Variants in FMNL2 observed in about 807,000 individuals in gnomAD.
FMNL2 encodes the protein formin-like protein 2.
FMNL2 carries 51 observed loss-of-function variants against 130.2 expected under a neutral mutation model. The ratio of observed to expected loss-of-function variants is 0.39; its 90% CI spans 0.31 to 0.49. FMNL2 has a LOEUF of 0.49. FMNL2 is among the 20% of genes least tolerant of loss of function. The pLI is 0.85. For synonymous variants in FMNL2, 465 were observed against 467.1 expected (o/e 1.00, Z 0.06); for missense variants, 977 against 1,316.2 (o/e 0.74, Z 3.99).
At chr2:152,400,064 C>T (rs897635102) in intron 1 of FMNL2, among the ~76,000 whole-genome samples, 1 of 152,104 alleles carries the variant, frequency 6.6e-6, no homozygotes, top group Admixed American at 6.5e-5. Flanking sequence ...AGGTTGATCA[C>T]AGCAAGTGAT....
At position 152,475,759 on chromosome 2, in the gene FMNL2, A is replaced by C. The variant is rs111470796; in HGVS notation, c.118-46184A>C. On this transcript the variant is annotated intron_variant, in intron 1 of 25. Transcript: ENST00000288670. Reference sequence around the variant, plus strand: ...AGTGATCTTCCTGCCTCAGCCTCCCAAAGTGCTGGGGTTACAGGCATGAGC... The same window carrying C: ...AGTGATCTTCCTGCCTCAGCCTCCCCAAGTGCTGGGGTTACAGGCATGAGC... 7.8e-3 allele frequency among the ~76,000 whole-genome samples: 1,189 copies of C among 152,244 alleles called. 10 individuals carry two copies. Among genetic ancestry groups the C allele is most frequent in the African/African-American group, 0.024 (988 of 41,532 alleles).
At chr2:152,443,167 G>C (rs1180455941) in intron 1 of FMNL2, among the ~76,000 whole-genome samples, 1 of 152,198 alleles carries the variant, frequency 6.6e-6, no homozygotes, top group African/African-American at 2.4e-5. Context: ...TTTCTGGCAT[G>C]GGGAACCAGA....
At chr2:152,443,130 CG>C (rs1037544583) in intron 1 of FMNL2, among the ~76,000 whole-genome samples, 2 of 152,064 alleles carry the variant, frequency 1.3e-5, no homozygotes, top group African/African-American at 2.4e-5. Context: ...TGATTAGAGA[CG>C]AGAAACGAAG....
At chr2:152,599,695 T>C (rs1405866574) in intron 9 of FMNL2, among the ~76,000 whole-genome samples, 1 of 152,184 alleles carries the variant, frequency 6.6e-6, no homozygotes, top group African/African-American at 2.4e-5. Flanking sequence ...CTCAGGCTCA[T>C]AGTCATCTCC....
At chr2:152,379,594 T>G (rs969562631) in intron 1 of FMNL2, among the ~76,000 whole-genome samples, 5 of 152,190 alleles carry the variant, frequency 3.3e-5, no homozygotes, top group Admixed American at 6.5e-5. Context: ...AAGAGTGTTA[T>G]ATATATCATT....
chr2:152,644,573 T>A (rs1225540572), intron 25 of FMNL2, among the ~76,000 whole-genome samples: 1 of 152,236 alleles, frequency 6.6e-6, no homozygotes, highest in Non-Finnish European at 1.5e-5. Flanking sequence ...CTATTCCTTC[T>A]GAATGTCATG....
chr2:152,582,203 A>G (rs1315802461), intron 9 of FMNL2, among the ~76,000 whole-genome samples: 2 of 152,158 alleles, frequency 1.3e-5, no homozygotes, highest in Non-Finnish European at 2.9e-5. Flanking sequence ...TTGTGGCCTT[A>G]TTGTTTGTGA....
chr2:152,391,890 G>A (rs2345873), intron 1 of FMNL2, among the ~76,000 whole-genome samples: 20,023 of 139,886 alleles, frequency 0.14, 1,720 homozygotes, highest in African/African-American at 0.21. Flanking sequence ...AGATACAGAA[G>A]ACTGGGAGCT....
chr2:152,364,333 A>T (rs1683387449), intron 1 of FMNL2, among the ~76,000 whole-genome samples: 2 of 126,320 alleles, frequency 1.6e-5, no homozygotes, highest in Non-Finnish European at 3.2e-5. Flanking sequence ...TAATCAACAA[A>T]TTTTGTTTTT....
chr2:152,404,910 A>T (rs1685901629), intron 1 of FMNL2, among the ~76,000 whole-genome samples: 1 of 152,148 alleles, frequency 6.6e-6, no homozygotes, highest in Non-Finnish European at 1.5e-5. Context: ...TTGTCTTAAG[A>T]TAAGCAGAGC....
At chr2:152,614,416 C>G (rs1698837401) in intron 11 of FMNL2, among the ~76,000 whole-genome samples, 1 of 152,178 alleles carries the variant, frequency 6.6e-6, no homozygotes, top group African/African-American at 2.4e-5. Context: ...ATGTTAAGCT[C>G]TCTTGGAAAG....
In FMNL2 at chr2:152,387,398, G is replaced by A. The variant is rs150087359; in HGVS notation, c.117+51678G>A. On this transcript the variant is annotated intron_variant, in intron 1 of 25. Transcript: ENST00000288670. ...TGTTTGTTAGATTTAATTGCCTGCT[G>A]ACTTGTTGAGTACGGAGTGTGATTA... is the stretch of plus-strand genomic sequence containing the variant. 6.6e-3 allele frequency among the ~76,000 whole-genome samples: 999 copies of A among 152,312 alleles called. 21 individuals are homozygous for A. The highest frequency in any genetic ancestry group is 0.023 in the African/African-American group (958 of 41,570).
intron 1 of FMNL2, among the ~76,000 whole-genome samples, chr2:152,413,447 C>T (rs530798296): frequency 1.5e-4 from 23 of 152,252 alleles, no homozygotes; most frequent in Non-Finnish European, 2.6e-4. Context: ...TTTTAGAACT[C>T]ATTACTGCTA....
intron 1 of FMNL2, among the ~76,000 whole-genome samples, chr2:152,494,342 G>A (rs1457178167): frequency 1.3e-5 from 2 of 152,112 alleles, no homozygotes; most frequent in Non-Finnish European, 2.9e-5. Flanking sequence ...CAGTAACTTG[G>A]GACAGAGCTG....
At chr2:152,467,772 C>T (rs1689633737) in intron 1 of FMNL2, among the ~76,000 whole-genome samples, 1 of 152,214 alleles carries the variant, frequency 6.6e-6, no homozygotes, top group Non-Finnish European at 1.5e-5. Flanking sequence ...CTTCTTTCTT[C>T]CGAGAGCAGG....
intron 1 of FMNL2, among the ~76,000 whole-genome samples, chr2:152,502,796 G>A (rs1691921291): frequency 6.6e-6 from 1 of 152,136 alleles, no homozygotes; most frequent in Non-Finnish European, 1.5e-5. Flanking sequence ...GAGTTTAGTA[G>A]CAGGAAAGGG....
chr2:152,363,259 T>C (rs1683287882), intron 1 of FMNL2, among the ~76,000 whole-genome samples: 1 of 152,216 alleles, frequency 6.6e-6, no homozygotes, highest in Non-Finnish European at 1.5e-5. Context: ...CTGCAAATGA[T>C]TCTGAAAACC....
At chr2:152,429,160 C>CA (rs768400697) in intron 1 of FMNL2, among the ~76,000 whole-genome samples, 7 of 141,270 alleles carry the variant, frequency 5.0e-5, no homozygotes, top group Non-Finnish European at 1.5e-5. Context: ...ACATCCTGCA[C>CA]ATGTACCCCT....
chr2:152,406,955 C>T (rs1242802495), intron 1 of FMNL2, among the ~76,000 whole-genome samples: 1 of 152,174 alleles, frequency 6.6e-6, no homozygotes, highest in Non-Finnish European at 1.5e-5. Flanking sequence ...AGACTTCATC[C>T]TGGCTCTGTC....
Sources: allele counts gnomAD v4.1 joint callset (sites outside exome capture counted in the v4.1 genomes callset), GRCh38; gene constraint gnomAD v4.1.1; transcripts MANE v1.5; gene names NCBI Gene and HGNC (gene_info 2026-07-23, HGNC 2026-07-21).